Variants in PMPCB observed in about 807,000 individuals in gnomAD.
PMPCB encodes the protein peptidase, mitochondrial processing subunit beta.
A neutral mutation model predicts 61.5 loss-of-function variants in PMPCB; 46 were observed. That is an observed-to-expected ratio of 0.75 (90% CI 0.59 to 0.96). The LOEUF (loss-of-function observed/expected upper bound fraction) is 0.96. Ranked by LOEUF, PMPCB falls within the 40% of genes least tolerant of loss-of-function variation. The pLI, the probability that PMPCB is intolerant of heterozygous loss-of-function variation, is 0.00. For synonymous variants in PMPCB, 191 were observed against 201.6 expected (o/e 0.95, Z 0.44); for missense variants, 590 against 602.4 (o/e 0.98, Z 0.22).
Position 103,312,736 on chromosome 7 carries a change from A to ATAGAT in PMPCB, c.*466_*470dup. On this transcript the variant is annotated 3_prime_UTR_variant, in exon 13 of 13. Coordinates refer to ENST00000249269, the MANE Select transcript of PMPCB (RefSeq NM_004279.3). ...GGTGTAAAGAATTCAAGCAACTAAG[A>ATAGAT]TAGATAGTACTAAATATACTGATTT... 6.4e-7 allele frequency: 1 copy of ATAGAT among 1,570,360 alleles called. No individual in the cohort carries two copies. Among genetic ancestry groups the ATAGAT allele is most frequent in the East Asian group, 2.2e-5 (1 of 44,608 alleles).
At chr7:103,297,661 G>A (rs1329227233) in intron 1 of PMPCB, 103 bp downstream of exon 1, 13 of 1,554,562 alleles carry the variant, frequency 8.4e-6, no homozygotes, top group African/African-American at 1.4e-5. Flanking sequence ...GTCGGGCAGG[G>A]CCTCCTCGAC....
downstream of PMPCB, chr7:103,316,688 C>A (rs1586065942): frequency 1.5e-6 from 1 of 678,416 alleles, no homozygotes; most frequent in Non-Finnish European, 2.5e-6. Context: ...TCAAAATGCA[C>A]CTCACTTTTC....
At chr7:103,328,069 C>T (rs1406344678) in intron 12 of PMPCB, among the ~76,000 whole-genome samples, 3 of 151,822 alleles carry the variant, frequency 2.0e-5, no homozygotes, top group Non-Finnish European at 2.9e-5. Flanking sequence ...TACAGGTGCC[C>T]GCCACCATGC....
chr7:103,321,151 T>C (rs910371676), intron 12 of PMPCB, among the ~76,000 whole-genome samples: 1 of 152,008 alleles, frequency 6.6e-6, no homozygotes, highest in Non-Finnish European at 1.5e-5. Flanking sequence ...TGAGCCGAGA[T>C]GGCGCCACTG....
At chr7:103,335,987 G>C in the PMPCB span, 2 of 152,230 alleles carry the variant, frequency 1.3e-5, no homozygotes, top group African/African-American at 4.8e-5. Context: ...GACCAACATG[G>C]TGAAATCCCG....
intron 6 of PMPCB, among the ~76,000 whole-genome samples, chr7:103,305,530 A>G (rs1280583417): frequency 6.6e-6 from 1 of 152,066 alleles, no homozygotes. Flanking sequence ...AAACTTGGGG[A>G]TTACAGGCGT....
chr7:103,309,827 AAAT>A (rs1817688228), intron 8 of PMPCB, among the ~76,000 whole-genome samples: 2 of 152,362 alleles, frequency 1.3e-5, no homozygotes, highest in African/African-American at 4.8e-5. Context: ...AAACATGGTA[AAAT>A]AACAGGGAAT....
Position 103,314,371 on chromosome 7 carries a change from A to T in PMPCB, c.*2100A>T. On this transcript the variant is annotated 3_prime_UTR_variant, in exon 13 of 13. Coordinates refer to ENST00000249269, the MANE Select transcript of PMPCB (RefSeq NM_004279.3). The stretch of plus-strand genomic sequence containing the variant: ...CTGTTTAATGGTACAACTGAAGAGG[A>T]AGGAGCCTTCCCATTTCCATAAAAG... 4 of 985,434 alleles carry T rather than the reference A, an allele frequency of 4.1e-6. No homozygotes were observed. The highest frequency in any genetic ancestry group is 4.8e-6 in the Non-Finnish European group (4 of 829,928). 61.0% of individuals were successfully genotyped at this position (985,434 alleles called of 1,614,324 possible).
At chr7:103,331,010 A>G (rs192267603), downstream of PMPCB, among the ~76,000 whole-genome samples, 574 of 151,260 alleles carry the variant, frequency 3.8e-3, 4 homozygotes, top group African/African-American at 0.014. Flanking sequence ...CCAGGCTGGC[A>G]TGCAATGGCA....
rs1817777826 is a variant in PMPCB at position 103,312,097 on chromosome 7, C to T, written c.1371C>T (p.Tyr457=). Residue 457 remains tyrosine (Y), a synonymous_variant, in exon 12 of 13, where the codon TAC becomes TAT. Transcript: ENST00000249269. ...AETIREVCTK[Y]IYNRSPAIAA... is the part of the protein sequence containing the mutation. ...CAATTCGAGAAGTATGTACCAAATA[C>T]ATTTATAATAGGAGTCCAGCTATTG... 3.1e-6 allele frequency: 5 copies of T among 1,613,928 alleles called. No individual in the cohort carries two copies. The highest frequency in any genetic ancestry group is 2.5e-6 in the Non-Finnish European group (3 of 1,179,970).
At chr7:103,307,132 A>T (rs1281251588) in intron 6 of PMPCB, among the ~76,000 whole-genome samples, 2 of 150,868 alleles carry the variant, frequency 1.3e-5, no homozygotes, top group Non-Finnish European at 3.0e-5. Flanking sequence ...AACTCAAATG[A>T]TCCTCCCACC....
intron 12 of PMPCB, chr7:103,321,873 T>C (rs1794398285): frequency 1.3e-6 from 2 of 1,544,258 alleles, no homozygotes; most frequent in East Asian, 2.3e-5. Context: ...AAAAGAAGTA[T>C]TTTTGCTTAA....
At chr7:103,337,848 T>C in the PMPCB span, 2 of 1,488,582 alleles carry the variant, frequency 1.3e-6, no homozygotes, top group Non-Finnish European at 1.9e-6. Context: ...AAATTTGAAA[T>C]GAAGCCAATA....
At chr7:103,303,494 A>G (rs1817501940) in intron 4 of PMPCB, among the ~76,000 whole-genome samples, 1 of 152,216 alleles carries the variant, frequency 6.6e-6, no homozygotes, top group African/African-American at 2.4e-5. Context: ...CCCTCTGTAC[A>G]TTGCTAGCTA....
chr7:103,312,660 G>A lies in PMPCB; in HGVS notation c.*389G>A, dbSNP rs1817813266. 1 of 1,608,668 alleles carries A rather than the reference G, an allele frequency of 6.2e-7. No homozygotes were observed. The highest frequency in any genetic ancestry group is 8.5e-7 in the Non-Finnish European group (1 of 1,178,682). ...GACAAGTTCCTAGGAAGGGAGAAAG[G>A]TGTGATTTAAGAAGTTGCGATTTAA... On this transcript the variant is annotated 3_prime_UTR_variant, in exon 13 of 13. Transcript: ENST00000249269.
chr7:103,301,443 G>A (rs984222539), intron 4 of PMPCB, among the ~76,000 whole-genome samples: 2 of 152,220 alleles, frequency 1.3e-5, no homozygotes, highest in Admixed American at 6.5e-5. Context: ...GCTAGGCCAA[G>A]GTTCTTTAAA....
intron 12 of PMPCB, chr7:103,326,652 G>T: frequency 6.2e-7 from 1 of 1,612,460 alleles, no homozygotes. Flanking sequence ...TTAAATGCTC[G>T]TCTTTTCACT....
Position 103,311,676 on chromosome 7 carries a change from G to T in PMPCB, c.1188G>T (p.Glu396Asp), listed in dbSNP as rs3087615. 0.085 allele frequency: 137,537 copies of T among 1,613,374 alleles called. 6,527 individuals carry two copies. Among genetic ancestry groups the T allele is most frequent in the Admixed American group, 0.14 (8,535 of 59,950 alleles). The change falls in exon 10 of 13, where the codon GAG becomes GAT. Residue 396 changes from glutamate to aspartate, a missense_variant. By Grantham distance (45) the Glu-to-Asp change is conservative. Transcript: ENST00000249269. ...TCTGTACAAGTGTCACAGAAAGTGA[G>T]GTTGCACGAGCCAGAAATCTTCTGA... The part of the protein sequence containing the change: ...MRLCTSVTES[E>D]VARARNLLKT...
Position 103,313,897 on chromosome 7 carries a change from T to C in PMPCB, c.*1626T>C. On this transcript the variant is annotated 3_prime_UTR_variant, in exon 13 of 13. Transcript: ENST00000249269. ...TAATGGACTTCTGGCAATTTAGTTA[T>C]TTCAGACTATGCAGTGACAACACAG... 1 of 985,430 alleles carries C rather than the reference T, an allele frequency of 1.0e-6. No individual in the cohort carries two copies. The highest frequency in any genetic ancestry group is 1.2e-6 in the Non-Finnish European group (1 of 829,928). 61.0% of individuals were successfully genotyped at this position (985,430 alleles called of 1,614,324 possible). A position where few individuals can be genotyped will look rare whatever the true frequency, so the allele number is the denominator to read the frequency against.
Sources: gnomAD v4.1 joint callset for allele counts (sites outside exome capture counted in the v4.1 genomes callset) on GRCh38, gnomAD v4.1.1 for gene constraint, MANE v1.5 for transcripts, NCBI Gene and HGNC (gene_info 2026-07-23, HGNC 2026-07-21) for gene names.